Variants in SLCO3A1 observed in about 807,000 individuals in gnomAD.
SLCO3A1 encodes PGE1 transporter.
In SLCO3A1, 27 loss-of-function variants were observed where a neutral mutation model predicts 63.1. The ratio of observed to expected loss-of-function variants is 0.43; its 90% CI spans 0.32 to 0.59. The LOEUF (loss-of-function observed/expected upper bound fraction) is 0.59. Among genes scored for constraint, SLCO3A1 ranks in the 20% least tolerant of loss-of-function variants. The pLI is 0.09. For synonymous variants in SLCO3A1, 473 were observed against 409.9 expected (o/e 1.15, Z -1.86); for missense variants, 773 against 945.8 (o/e 0.82, Z 2.40).
chr15:92,016,195 A>G (rs746995453), intron 2 of SLCO3A1, among the ~76,000 whole-genome samples: 34 of 140,168 alleles, frequency 2.4e-4, no homozygotes, highest in Admixed American at 7.6e-4. Context: ...TTTGTTGTAT[A>G]TATATTTATA....
intron 2 of SLCO3A1, among the ~76,000 whole-genome samples, chr15:92,037,372 G>T (rs2046741313): frequency 6.6e-6 from 1 of 152,164 alleles, no homozygotes; most frequent in Admixed American, 6.5e-5. Flanking sequence ...ACTGATGCGT[G>T]GTGATATTTC....
intron 2 of SLCO3A1, among the ~76,000 whole-genome samples, chr15:92,021,493 A>G (rs558965742): frequency 6.6e-6 from 1 of 152,318 alleles, no homozygotes; most frequent in Admixed American, 6.5e-5. Context: ...TTTTGCAAGA[A>G]GGCAGACACA....
intron 2 of SLCO3A1, among the ~76,000 whole-genome samples, chr15:92,059,347 G>C (rs1167655629): frequency 6.6e-6 from 1 of 152,186 alleles, no homozygotes; most frequent in African/African-American, 2.4e-5. Context: ...GCAGGGGGCT[G>C]GGTTCCATAA....
chr15:92,133,329 A>G (rs973956807), intron 7 of SLCO3A1, among the ~76,000 whole-genome samples: 2 of 146,318 alleles, frequency 1.4e-5, no homozygotes, highest in African/African-American at 2.5e-5. Context: ...TTCATCATTC[A>G]GTCTCTTTTT....
chr15:91,963,693 G>C (rs1900546938), intron 2 of SLCO3A1, among the ~76,000 whole-genome samples: 1 of 152,100 alleles, frequency 6.6e-6, no homozygotes, highest in African/African-American at 2.4e-5. Flanking sequence ...CCGAGGTTCA[G>C]ATGTGTCAGG....
intron 9 of SLCO3A1, among the ~76,000 whole-genome samples, chr15:92,153,829 TG>T (rs1468926390): frequency 6.6e-6 from 1 of 151,840 alleles, no homozygotes; most frequent in African/African-American, 2.4e-5. Context: ...CCAGCATGTT[TG>T]GGGGCTGCAG....
intron 1 of SLCO3A1, among the ~76,000 whole-genome samples, chr15:91,909,484 A>G (rs994067582): frequency 2.0e-5 from 3 of 152,264 alleles, no homozygotes. Flanking sequence ...TGGGAAAACC[A>G]CAGGTTTTTG....
At chr15:91,908,207 C>A (rs528614273) in intron 1 of SLCO3A1, among the ~76,000 whole-genome samples, 2 of 148,922 alleles carry the variant, frequency 1.3e-5, no homozygotes, top group African/African-American at 5.0e-5. Flanking sequence ...GTAATCCCCA[C>A]CCCCACAACT....
intron 2 of SLCO3A1, among the ~76,000 whole-genome samples, chr15:92,021,747 G>A (rs550392891): frequency 7.2e-5 from 11 of 152,302 alleles, no homozygotes; most frequent in East Asian, 1.9e-4. Flanking sequence ...GGTGAGAGAT[G>A]TTCACATACA....
chr15:92,137,523 G>C (rs2048074974), intron 7 of SLCO3A1, among the ~76,000 whole-genome samples: 1 of 104,600 alleles, frequency 9.6e-6, no homozygotes, highest in Admixed American at 1.0e-4. Flanking sequence ...GGTATTTCTA[G>C]TTCTAGATCC....
chr15:91,908,047 C>A (rs1179522988), intron 1 of SLCO3A1, among the ~76,000 whole-genome samples: 2 of 152,160 alleles, frequency 1.3e-5, no homozygotes, highest in Admixed American at 6.6e-5. Context: ...CAGAGCCTTT[C>A]TCTCCCTCAT....
intron 2 of SLCO3A1, among the ~76,000 whole-genome samples, chr15:91,947,746 G>C (rs547595749): frequency 6.6e-6 from 1 of 152,326 alleles, no homozygotes; most frequent in Admixed American, 6.5e-5. Flanking sequence ...GCAGCTAGAC[G>C]GGGCAGGTTG....
chr15:91,893,357 C>T (rs1897919292), intron 1 of SLCO3A1, among the ~76,000 whole-genome samples: 1 of 152,144 alleles, frequency 6.6e-6, no homozygotes, highest in African/African-American at 2.4e-5. Flanking sequence ...AACTGGGTGG[C>T]TTAGAAACAA....
chr15:92,157,503 T>C (rs879542053), intron 9 of SLCO3A1, among the ~76,000 whole-genome samples: 94 of 151,758 alleles, frequency 6.2e-4, no homozygotes, highest in Non-Finnish European at 1.2e-3. Flanking sequence ...TTTTTTTTTT[T>C]TTTTTTGAGA....
At chr15:92,102,702 C>A (rs533236782) in intron 3 of SLCO3A1, among the ~76,000 whole-genome samples, 2 of 152,294 alleles carry the variant, frequency 1.3e-5, no homozygotes, top group African/African-American at 2.4e-5. Context: ...ACAGTGACTA[C>A]CAGTGTTCCA....
At chr15:92,075,202 G>A (rs186327771) in intron 2 of SLCO3A1, among the ~76,000 whole-genome samples, 75 of 152,276 alleles carry the variant, frequency 4.9e-4, no homozygotes, top group East Asian at 3.9e-4. Flanking sequence ...GAAACTTGGT[G>A]CTTAAGCTTT....
At position 92,120,541 on chromosome 15, in the gene SLCO3A1, T is replaced by A; in HGVS notation, c.1086T>A (p.Ile362=). 6.2e-7 allele frequency: 1 copy of A among 1,614,124 alleles called. No homozygotes were observed. The highest frequency in any genetic ancestry group is 1.7e-5 in the Admixed American group (1 of 60,010). ...TCIILAACME[I]AVVAGFAAFL... is the part of the protein sequence containing the mutation. ...TCATCCTGGCCGCCTGCATGGAGAT[T>A]GCAGTGGTGGCTGGCTTCGCTGCCT... Residue 362 remains isoleucine, a synonymous_variant, in exon 5 of 10, where the codon ATT becomes ATA. Transcript: ENST00000318445.
intron 2 of SLCO3A1, among the ~76,000 whole-genome samples, chr15:92,038,542 C>T (rs2046755493): frequency 6.6e-6 from 1 of 152,050 alleles, no homozygotes; most frequent in Non-Finnish European, 1.5e-5. Flanking sequence ...ATACAGCTAA[C>T]AAGGGATGTG....
chr15:91,937,434 A>T (rs527471192), intron 2 of SLCO3A1, among the ~76,000 whole-genome samples: 28 of 152,240 alleles, frequency 1.8e-4, no homozygotes, highest in African/African-American at 6.5e-4. Flanking sequence ...AAAAAGTGGG[A>T]GTGGGCCAGG....
Sources: gnomAD v4.1 joint callset for allele counts (sites outside exome capture counted in the v4.1 genomes callset) on GRCh38, gnomAD v4.1.1 for gene constraint, MANE v1.5 for transcripts, NCBI Gene and HGNC (gene_info 2026-07-23, HGNC 2026-07-21) for gene names.